The following NDUFA8 variants were observed in gnomAD, a reference collection of about 807,000 sequenced individuals.
NDUFA8 encodes the protein NADH dehydrogenase [ubiquinone] 1 alpha subcomplex subunit 8.
In NDUFA8, 16 loss-of-function variants were observed where a neutral mutation model predicts 20.9. The ratio of observed to expected loss-of-function variants is 0.77; its 90% CI spans 0.52 to 1.16. NDUFA8 has a LOEUF of 1.16. Among genes scored for constraint, NDUFA8 ranks in the 50% most tolerant of loss-of-function variants. The probability of loss-of-function intolerance (pLI) is 0.00; values close to 1 mark genes in which losing one functional copy is unlikely to be tolerated. For synonymous variants in NDUFA8, 70 were observed against 76.1 expected (o/e 0.92, Z 0.41); for missense variants, 202 against 216.4 (o/e 0.93, Z 0.42).
chr9:122,134,357 A>C, the NDUFA8 span, among the ~76,000 whole-genome samples: 1 of 152,194 alleles, frequency 6.6e-6, no homozygotes, highest in Non-Finnish European at 1.5e-5. Context: ...TAGCTGTGTG[A>C]CCCGCGATAA....
At chr9:122,155,433 A>G (rs1052051360) in intron 1 of NDUFA8, among the ~76,000 whole-genome samples, 17 of 152,236 alleles carry the variant, frequency 1.1e-4, no homozygotes, top group Admixed American at 2.6e-4. Flanking sequence ...AAAGGCAAGG[A>G]AAGATGACAA....
intron 2 of NDUFA8, among the ~76,000 whole-genome samples, chr9:122,149,582 G>C (rs1828959996): frequency 6.6e-6 from 1 of 152,196 alleles, no homozygotes; most frequent in South Asian, 2.1e-4. Flanking sequence ...TTGGGAATTT[G>C]TGAAATCCAA....
the NDUFA8 span, among the ~76,000 whole-genome samples, chr9:122,136,526 G>T: frequency 2.0e-5 from 3 of 151,786 alleles, no homozygotes; most frequent in Non-Finnish European, 4.4e-5. Context: ...CTGATGCTCT[G>T]TTCTGCAAAC....
At chr9:122,139,331 GTCT>G (rs1828788324), downstream of NDUFA8, among the ~76,000 whole-genome samples, 3 of 135,576 alleles carry the variant, frequency 2.2e-5, no homozygotes, top group South Asian at 7.5e-4. Flanking sequence ...TCTGTGGCCT[GTCT>G]TCTTAAACGT....
downstream of NDUFA8, among the ~76,000 whole-genome samples, chr9:122,140,789 GTACTAT>G (rs1318909537): frequency 6.6e-6 from 1 of 152,124 alleles, no homozygotes; most frequent in South Asian, 2.1e-4. Flanking sequence ...CAGAAGGCAG[GTACTAT>G]TACTGTCATC....
At chr9:122,135,848 C>G in the NDUFA8 span, among the ~76,000 whole-genome samples, 9,714 of 152,222 alleles carry the variant, frequency 0.064, 1,041 homozygotes, top group African/African-American at 0.22. Context: ...CTTGGCCTTC[C>G]GAAGTGCTGG....
intron 1 of NDUFA8, among the ~76,000 whole-genome samples, chr9:122,152,815 T>A (rs1315062397): frequency 6.6e-6 from 1 of 152,168 alleles, no homozygotes; most frequent in Non-Finnish European, 1.5e-5. Flanking sequence ...GAGATTAATA[T>A]TCCCATTTTA....
intron 1 of NDUFA8, among the ~76,000 whole-genome samples, chr9:122,154,022 G>A (rs1255380410): frequency 6.6e-6 from 1 of 152,112 alleles, no homozygotes; most frequent in African/African-American, 2.4e-5. Context: ...CAGTTTCTGT[G>A]TTAAGCACCA....
At chr9:122,137,238 CTTTTTTTTTT>C in the NDUFA8 span, among the ~76,000 whole-genome samples, 5 of 106,594 alleles carry the variant, frequency 4.7e-5, no homozygotes, top group East Asian at 2.4e-4. Context: ...TTTTCCTTTC[CTTTTTTTTTT>C]TTTTTTTTTT....
chr9:122,150,971 C>CAAA lies in NDUFA8; in HGVS notation c.215+1271_215+1273dup, dbSNP rs71508152. Among the ~76,000 whole-genome samples the CAAA allele has an allele frequency of 8.2e-3, 410 of 49,728 alleles. 4 individuals are homozygous for CAAA. Among genetic ancestry groups the CAAA allele is most frequent in the Non-Finnish European group, 1.0e-2 (307 of 30,792 alleles). The allele number at this position is 49,728 out of a possible 152,430, so 32.6% of individuals were successfully genotyped here. A position where few individuals can be genotyped will look rare whatever the true frequency, so the allele number is the denominator to read the frequency against. On this transcript the variant is annotated intron_variant, in intron 2 of 3. Transcript: ENST00000373768. ...TGGGCAACAGAGTGAGACTCCGTCT[C>CAAA]AAAAAAAAAAAAAAAAAAAAAAAAG...
chr9:122,138,120 T>C, the NDUFA8 span, among the ~76,000 whole-genome samples: 1 of 152,154 alleles, frequency 6.6e-6, no homozygotes, highest in Admixed American at 6.5e-5. Context: ...AATACCTTAG[T>C]TTTGGAGAGC....
chr9:122,159,191 G>C (rs954467992), intron 1 of NDUFA8, among the ~76,000 whole-genome samples: 2 of 152,030 alleles, frequency 1.3e-5, no homozygotes, highest in African/African-American at 4.8e-5. Flanking sequence ...CCGCGGCTTC[G>C]TCACCCCACT....
rs367739692 is a variant in NDUFA8, at chr9:122,159,717, G to T, written c.-40C>A. On this transcript the variant is annotated 5_prime_UTR_variant, in exon 1 of 4. Coordinates refer to ENST00000373768, the MANE Select transcript of NDUFA8 (RefSeq NM_014222.3). Reference sequence around the variant, plus strand: ...CGACCCCGACGAGAAGCCCTCAGCCGCGTCGCCCCCGTCTCCTTGAACTCC... The same window carrying T: ...CGACCCCGACGAGAAGCCCTCAGCCTCGTCGCCCCCGTCTCCTTGAACTCC... The T allele has an allele frequency of 6.2e-6, 10 of 1,613,568 alleles. No individual in the cohort carries two copies. Among genetic ancestry groups the T allele is most frequent in the Middle Eastern group, 1.6e-4 (1 of 6,084 alleles).
At chr9:122,146,103 G>A (rs1828901551) in intron 3 of NDUFA8, among the ~76,000 whole-genome samples, 1 of 152,120 alleles carries the variant, frequency 6.6e-6, no homozygotes, top group Non-Finnish European at 1.5e-5. Context: ...CAGAGATCGT[G>A]GCACTGTACT....
chr9:122,159,493 C>T, intron 1 of NDUFA8, 134 bp downstream of exon 1: 2 of 1,066,006 alleles, frequency 1.9e-6, no homozygotes, highest in Non-Finnish European at 1.5e-6. Flanking sequence ...CTCCGGGGGT[C>T]GACCTGTATA....
At chr9:122,151,966 T>C (rs1291539621) in intron 2 of NDUFA8, among the ~76,000 whole-genome samples, 1 of 152,192 alleles carries the variant, frequency 6.6e-6, no homozygotes, top group Non-Finnish European at 1.5e-5. Flanking sequence ...AAAAAGACTT[T>C]CCCCTTGCTG....
chr9:122,152,282 C>T lies in NDUFA8; in HGVS notation c.178G>A (p.Gly60Ser). 3.7e-6 allele frequency: 6 copies of T among 1,614,164 alleles called. No individual in the cohort carries two copies. Among genetic ancestry groups the T allele is most frequent in the Non-Finnish European group, 5.1e-6 (6 of 1,180,034 alleles). ...AAAGCACACTTGTTGACCAGTTTGC[C>T]TTCCTCTAAACACCGCCTCGGATCT... is the stretch of plus-strand genomic sequence containing the variant. Reference protein sequence around the residue: ...EKDPRRCLEEGKLVNKCALDF... With the variant: ...EKDPRRCLEESKLVNKCALDF... The change falls in exon 2 of 4, where the codon GGC becomes AGC. Residue 60 changes from glycine to serine, a missense_variant. Gly to Ser is a moderately conservative substitution (Grantham distance 56). Coordinates refer to ENST00000373768, the MANE Select transcript of NDUFA8 (RefSeq NM_014222.3).
At chr9:122,152,511 C>T (rs1823281074) in intron 1 of NDUFA8, 103 bp from the exon 2 acceptor site, 1 of 1,068,240 alleles carries the variant, frequency 9.4e-7, no homozygotes, top group Non-Finnish European at 1.4e-6. Flanking sequence ...AAAAGTAGCA[C>T]TGTTCTGACT....
chr9:122,139,776 C>T (rs1828795671), downstream of NDUFA8, among the ~76,000 whole-genome samples: 1 of 152,222 alleles, frequency 6.6e-6, no homozygotes, highest in Admixed American at 6.5e-5. Context: ...TCAATGCAAC[C>T]TCCACCTCCC....
Sources: allele counts gnomAD v4.1 joint callset (sites outside exome capture counted in the v4.1 genomes callset), GRCh38; gene constraint gnomAD v4.1.1; transcripts MANE v1.5; gene names NCBI Gene and HGNC (gene_info 2026-07-23, HGNC 2026-07-21).